The following BTBD17 variants were observed in gnomAD, a reference collection of about 807,000 sequenced individuals.
BTBD17 encodes the protein BTB/POZ domain-containing protein 17.
BTBD17 carries 26 observed loss-of-function variants against 36.9 expected under a neutral mutation model. The ratio of observed to expected loss-of-function variants is 0.70; its 90% CI spans 0.52 to 0.98. The LOEUF (loss-of-function observed/expected upper bound fraction) is 0.98, where lower values mean the gene tolerates loss of function less well. Ranked by LOEUF, BTBD17 falls within the 50% of genes least tolerant of loss-of-function variation. BTBD17 has a pLI of 0.00. For synonymous variants in BTBD17, 341 were observed against 338.0 expected, an observed-to-expected ratio of 1.01 and a Z score of -0.10; for missense variants, 630 against 691.3, an observed-to-expected ratio of 0.91 and a Z score of 0.99.
At position 74,357,699 on chromosome 17, in the gene BTBD17, A is replaced by G. The variant is rs1429655127; in HGVS notation, c.395T>C (p.Leu132Pro). The G allele has an allele frequency of 1.0e-5, 16 of 1,546,388 alleles. No homozygotes were observed. The Middle Eastern group carries it at 9.1e-4, about 88-fold the overall frequency. Residue 132 changes from leucine to proline, a missense_variant, in exon 3 of 3, where the codon CTG becomes CCG. By Grantham distance (98) the Leu-to-Pro change is moderately conservative. Transcript: ENST00000375366. The surrounding 1 kb of genome is among the most constrained non-coding windows in gnomAD (Gnocchi z 8.4). ...YLYCGELTVL[L>P]TQAIPLHRLA... Reference sequence around the variant, plus strand: ...TCTGTGCAGGGGGATGGCCTGGGTCAGCAGCACGGTCAGCTCCCCGCAGTA... The same window carrying G: ...TCTGTGCAGGGGGATGGCCTGGGTCGGCAGCACGGTCAGCTCCCCGCAGTA...
intron 2 of BTBD17, among the ~76,000 whole-genome samples, chr17:74,358,475 C>CTTTTTT (rs1204577844): frequency 1.3e-4 from 8 of 60,118 alleles, no homozygotes; most frequent in African/African-American, 3.2e-4. Context: ...GACACTCCAG[C>CTTTTTT]TTTTTTTTTT....
At position 74,356,644 on chromosome 17, in the gene BTBD17, C is replaced by A. The variant is rs758427754; in HGVS notation, c.*13G>T. ...GACCACCTAGGCCAGGCCTTTATTC[C>A]CAGACCCCGAGGCTACTTGGGGGTC... On this transcript the variant is annotated 3_prime_UTR_variant, in exon 3 of 3. Transcript: ENST00000375366. The surrounding 1 kb of genome is among the most constrained non-coding windows in gnomAD (Gnocchi z 4.3). 5 of 1,490,220 alleles carry A rather than the reference C, an allele frequency of 3.4e-6. No homozygotes were observed. The highest frequency in any genetic ancestry group is 4.5e-6 in the Non-Finnish European group (5 of 1,112,766). The allele number at this position is 1,490,220 out of a possible 1,614,324, so 92.3% of individuals were successfully genotyped here. A position where few individuals can be genotyped will look rare whatever the true frequency, so the allele number is the denominator to read the frequency against.
chr17:74,359,835 C>T (rs28648797), intron 2 of BTBD17, 134 bp downstream of exon 2: 64,914 of 842,746 alleles, frequency 0.077, 3,423 homozygotes, highest in African/African-American at 0.22. Flanking sequence ...ATGCAGGGGT[C>T]ACTGTCATCC....
chr17:74,356,971 C>A lies in BTBD17; in HGVS notation c.1123G>T (p.Asp375Tyr), dbSNP rs998329305. Residue 375 changes from aspartate (D) to tyrosine (Y), a missense_variant, in exon 3 of 3, where the codon GAC becomes TAC. Physicochemically the swap from Asp to Tyr is radical, Grantham distance 160. Transcript: ENST00000375366. This position sits in a 1 kb window ranked among gnomAD's most constrained non-coding sequence, Gnocchi z 4.3. ...GCGGGCAGAGCAGTGCCCGCGGCGT[C>A]CGCGTAAACGGGCCGCAGGCTGACG... ...LPVSLRPVYA[D>Y]AAGTALPAAR... The A allele has an allele frequency of 3.5e-6, 5 of 1,447,204 alleles. No individual in the cohort carries two copies. The African/African-American group carries it at 7.5e-5, about 22-fold the overall frequency. The allele number at this position is 1,447,204 out of a possible 1,614,324, so 89.6% of individuals were successfully genotyped here.
At chr17:74,358,061 C>T (rs2054911406) in intron 2 of BTBD17, among the ~76,000 whole-genome samples, 1 of 152,196 alleles carries the variant, frequency 6.6e-6, no homozygotes, top group Non-Finnish European at 1.5e-5. Context: ...GGATCCATGG[C>T]CTGCCTTCTC....
In BTBD17 at chr17:74,356,436, T is replaced by C. The variant is rs2144317439; in HGVS notation, c.*221A>G. The C allele has an allele frequency of 1.4e-6, 1 of 697,728 alleles. No homozygotes were observed. Among genetic ancestry groups the C allele is most frequent in the African/African-American group, 1.8e-5 (1 of 54,298 alleles). 43.2% of individuals were successfully genotyped at this position (697,728 alleles called of 1,614,324 possible). A position where few individuals can be genotyped will look rare whatever the true frequency, so the allele number is the denominator to read the frequency against. On this transcript the variant is annotated 3_prime_UTR_variant, in exon 3 of 3. Coordinates refer to ENST00000375366, the MANE Select transcript of BTBD17 (RefSeq NM_001080466.2). The surrounding 1 kb of genome is among the most constrained non-coding windows in gnomAD (Gnocchi z 4.3). ...ATCCCTTTACCACTCTGAGCATCGG[T>C]TTATTCAGGACCAAGAACGTTCCTT...
rs2054905797 is a variant in BTBD17 at position 74,357,542 on chromosome 17, C to T, written c.552G>A (p.Leu184=). The T allele has an allele frequency of 1.3e-6, 2 of 1,555,836 alleles. No homozygotes were observed. The highest frequency in any genetic ancestry group is 2.4e-5 in the East Asian group (1 of 41,976). The stretch of plus-strand genomic sequence containing the variant: ...CCAGGAACTGCAGGCAGCTCTCGCG[C>T]AGGGCCTCGTCCCCGGTGCCCACCG... ...HYAVGTGDEA[L]RESCLQFLAW... Residue 184 remains leucine (L), a synonymous_variant, in exon 3 of 3, where the codon CTG becomes CTA. Transcript: ENST00000375366. The surrounding 1 kb of genome is among the most constrained non-coding windows in gnomAD (Gnocchi z 8.4).
At chr17:74,358,528 G>A (rs2054914298) in intron 2 of BTBD17, among the ~76,000 whole-genome samples, 1 of 133,112 alleles carries the variant, frequency 7.5e-6, no homozygotes, top group South Asian at 2.5e-4. Flanking sequence ...TATTGCTCAG[G>A]TTGGTCTCAA....
rs1450934247 is a variant in BTBD17 at position 74,357,357 on chromosome 17, G to A, written c.737C>T (p.Ala246Val). 2 of 1,549,936 alleles carry A rather than the reference G, an allele frequency of 1.3e-6. No homozygotes were observed. Among genetic ancestry groups the A allele is most frequent in the Non-Finnish European group, 1.7e-6 (2 of 1,156,444 alleles). Residue 246 changes from alanine to valine, a missense_variant, in exon 3 of 3, where the codon GCC becomes GTC. Ala to Val is a moderately conservative substitution (Grantham distance 64, BLOSUM62 0). Transcript: ENST00000375366. This position sits in a 1 kb window ranked among gnomAD's most constrained non-coding sequence, Gnocchi z 8.4. ...AWLGRARPPP[A>V]VAERALRAIR... Reference sequence around the variant, plus strand: ...GGCGCGCAGCGCCCGCTCGGCCACGGCAGGGGGCGGCCGCGCGCGACCCAG... The same window carrying A: ...GGCGCGCAGCGCCCGCTCGGCCACGACAGGGGGCGGCCGCGCGCGACCCAG...
At chr17:74,361,687 C>G (rs762339512) in intron 1 of BTBD17, 48 bp downstream of exon 1, 1 of 1,524,468 alleles carries the variant, frequency 6.6e-7, no homozygotes, top group Non-Finnish European at 9.0e-7. Context: ...AGGGCTGGGA[C>G]GACCTGCCGC....
At chr17:74,361,675 C>T (rs2054939863) in intron 1 of BTBD17, 60 bp downstream of exon 1, 2 of 1,455,206 alleles carry the variant, frequency 1.4e-6, no homozygotes, top group East Asian at 4.7e-5. Context: ...CCGCGTGCAG[C>T]CAGGGCTGGG....
rs2054906711 is a variant in BTBD17, at chr17:74,357,595, C to T, written c.499G>A (p.Gly167Ser). ...TAGTGGTACCAGCCCACCGCCGGGC[C>T]CGCGCCTCCCGCCAGGTGCGCGCGC... ...YMRAHLAGGA[G>S]PAVGWYHYAV... The change falls in exon 3 of 3, where the codon GGC becomes AGC. Residue 167 changes from glycine (G) to serine (S), a missense_variant. By Grantham distance (56) the Gly-to-Ser change is moderately conservative. Coordinates refer to ENST00000375366, the MANE Select transcript of BTBD17 (RefSeq NM_001080466.2). This position sits in a 1 kb window ranked among gnomAD's most constrained non-coding sequence, Gnocchi z 8.4. 1 of 1,548,894 alleles carries T rather than the reference C, an allele frequency of 6.5e-7. No individual in the cohort carries two copies. The highest frequency in any genetic ancestry group is 8.7e-7 in the Non-Finnish European group (1 of 1,152,634).
chr17:74,359,232 T>A (rs2054919260), intron 2 of BTBD17, among the ~76,000 whole-genome samples: 1 of 152,024 alleles, frequency 6.6e-6, no homozygotes, highest in Non-Finnish European at 1.5e-5. Flanking sequence ...TATTCGTCTA[T>A]AATGGAATAT....
chr17:74,359,385 T>C (rs1435171706), intron 2 of BTBD17, among the ~76,000 whole-genome samples: 5 of 152,034 alleles, frequency 3.3e-5, no homozygotes, highest in Non-Finnish European at 7.4e-5. Context: ...GGTTGGTTGG[T>C]TGGTTGATTT....
chr17:74,362,033 G>C (rs2144328064), upstream of BTBD17: 1 of 534,240 alleles, frequency 1.9e-6, no homozygotes, highest in Non-Finnish European at 3.4e-6. Context: ...GCAGCCCCGG[G>C]GGCTATTGTG....
At position 74,357,790 on chromosome 17, in the gene BTBD17, A is replaced by T. The variant is rs978803316; in HGVS notation, c.363-59T>A. 7.2e-7 allele frequency: 1 copy of T among 1,393,548 alleles called. No individual in the cohort carries two copies. Among genetic ancestry groups the T allele is most frequent in the Middle Eastern group, 2.5e-4 (1 of 3,976 alleles). 86.3% of individuals were successfully genotyped at this position (1,393,548 alleles called of 1,614,324 possible). On this transcript the variant is annotated intron_variant, in intron 2 of 2. Coordinates refer to ENST00000375366, the MANE Select transcript of BTBD17 (RefSeq NM_001080466.2). This position sits in a 1 kb window ranked among gnomAD's most constrained non-coding sequence, Gnocchi z 8.4. ...GGGCGGTACCCACCTCCCAGGATAG[A>T]TTTTTTAGAGTCCACAGGGGACCCG...
At chr17:74,358,082 G>A (rs1009989858) in intron 2 of BTBD17, among the ~76,000 whole-genome samples, 39 of 152,272 alleles carry the variant, frequency 2.6e-4, no homozygotes, top group African/African-American at 9.4e-4. Flanking sequence ...CTTGCCATGA[G>A]TCTGGGCAAG....
upstream of BTBD17, chr17:74,361,945 C>A: frequency 1.4e-6 from 1 of 710,184 alleles, no homozygotes; most frequent in African/African-American, 1.8e-5. Flanking sequence ...TGGCCTCCCT[C>A]CCCCACTCAG....
Position 74,356,737 on chromosome 17 carries a change from C to T in BTBD17, c.1357G>A (p.Glu453Lys). Residue 453 changes from glutamate (E) to lysine (K), a missense_variant, in exon 3 of 3, where the codon GAG (glutamate) becomes AAG (lysine). Coordinates refer to ENST00000375366, the MANE Select transcript of BTBD17 (RefSeq NM_001080466.2). The surrounding 1 kb of genome is among the most constrained non-coding windows in gnomAD (Gnocchi z 4.3). The stretch of plus-strand genomic sequence containing the variant: ...TGCAGGGCGTTCTCAACCAGGTACT[C>T]GGAGTTGCGCCGCTGCAGGTCGGCG... Reference protein sequence around the residue: ...AHADLQRRNSEYLVENALHLH... With the variant: ...AHADLQRRNSKYLVENALHLH... The T allele has an allele frequency of 6.2e-7, 1 of 1,600,888 alleles. No individual in the cohort carries two copies.
Sources: gnomAD v4.1 joint callset for allele counts (sites outside exome capture counted in the v4.1 genomes callset) on GRCh38, gnomAD v4.1.1 for gene constraint, Gnocchi (gnomAD v3.1) non-coding constraint, MANE v1.5 for transcripts, NCBI Gene and HGNC (gene_info 2026-07-23, HGNC 2026-07-21) for gene names.